SNX9: variants seen among roughly 807,000 people sequenced by gnomAD.
SNX9 encodes sorting nexin-9.
SNX9 carries 44 observed loss-of-function variants against 89.4 expected under a neutral mutation model. The ratio of observed to expected loss-of-function variants is 0.49; its 90% confidence interval spans 0.39 to 0.63. The LOEUF (loss-of-function observed/expected upper bound fraction) is 0.63, where lower values mean the gene tolerates loss of function less well. Ranked by LOEUF, SNX9 falls within the 30% of genes least tolerant of loss-of-function variation. SNX9 has a pLI of 0.00. For missense variants in SNX9, 578 were observed against 736.1 expected (o/e 0.79, Z 2.49); for synonymous variants, 236 against 247.8 (o/e 0.95, Z 0.45).
intron 4 of SNX9, among the ~76,000 whole-genome samples, chr6:157,894,642 A>G (rs1001256995): frequency 1.3e-5 from 2 of 152,160 alleles, no homozygotes; most frequent in African/African-American, 4.8e-5. Flanking sequence ...AAACTATTAA[A>G]TTACTCAAAG....
rs116596007 is a variant in SNX9 at position 157,920,475 on chromosome 6, C to T, written c.950-1056C>T. 5.9e-3 allele frequency among the ~76,000 whole-genome samples: 893 copies of T among 152,292 alleles called. 9 individuals are homozygous for T. Among genetic ancestry groups the T allele is most frequent in the African/African-American group, 0.021 (855 of 41,560 alleles). On this transcript the variant is annotated intron_variant, in intron 9 of 17. Transcript: ENST00000392185. Reference sequence around the variant, plus strand: ...TCACAGCCTGTCCACCCTAGTGGTACCACCATGTCGAACACGTGGGGTGGG... The same window carrying T: ...TCACAGCCTGTCCACCCTAGTGGTATCACCATGTCGAACACGTGGGGTGGG...
intron 9 of SNX9, among the ~76,000 whole-genome samples, chr6:157,920,175 A>G (rs1053437376): frequency 6.6e-6 from 1 of 152,080 alleles, no homozygotes. Context: ...TTTACTTTCT[A>G]CCAGACCCTT....
chr6:157,932,095 T>G (rs1302513838), intron 12 of SNX9, 100 bp from the exon 13 acceptor site: 9 of 978,162 alleles, frequency 9.2e-6, no homozygotes, highest in Non-Finnish European at 1.4e-5. Flanking sequence ...TAGACTATTT[T>G]GAATCACTTC....
chr6:157,857,570 A>T (rs1032646006), intron 1 of SNX9, among the ~76,000 whole-genome samples: 1 of 151,882 alleles, frequency 6.6e-6, no homozygotes, highest in African/African-American at 2.4e-5. Flanking sequence ...AAACAATAAA[A>T]TGCCATCTTT....
In SNX9 at chr6:157,823,317, G is replaced by A. The variant is rs1781271349; in HGVS notation, c.-118G>A. On this transcript the variant is annotated 5_prime_UTR_variant, in exon 1 of 18. Coordinates refer to ENST00000392185, the MANE Select transcript of SNX9 (RefSeq NM_016224.5). The surrounding 1 kb of genome is among the most constrained non-coding windows in gnomAD (Gnocchi z 4.6). ...GGGCCGAGGCGGAGGAGCGGCCGCC[G>A]CGCCGGGGCCCAGCCGGAGCCGCCG... The A allele has an allele frequency of 1.1e-6, 1 of 929,418 alleles. No individual in the cohort carries two copies. Among genetic ancestry groups the A allele is most frequent in the Non-Finnish European group, 1.4e-6 (1 of 736,334 alleles). The allele number at this position is 929,418 out of a possible 1,614,324, so 57.6% of individuals were successfully genotyped here. A position where few individuals can be genotyped will look rare whatever the true frequency, so the allele number is the denominator to read the frequency against.
At position 157,898,227 on chromosome 6, in the gene SNX9, A is replaced by C. The variant is rs530128267; in HGVS notation, c.472+1229A>C. Among the ~76,000 whole-genome samples the C allele has an allele frequency of 4.6e-5, 7 of 152,360 alleles. No individual in the cohort carries two copies. The South Asian group carries it at 1.4e-3, about 32-fold the overall frequency. On this transcript the variant is annotated intron_variant, in intron 5 of 17. Transcript: ENST00000392185. ...GCAGTTGCCCTTATTCACTAGTAGC[A>C]AACCTGGATTCAATTGTAGATGGTC...
Position 157,837,183 on chromosome 6 carries a change from C to CT in SNX9, c.12+13739dup, listed in dbSNP as rs751216472. On this transcript the variant is annotated intron_variant, in intron 1 of 17. Transcript: ENST00000392185. ...CAGAAGCTATTTAGTTTCTCGCCAA[C>CT]TTGTAGTGTTGTCAGTAACTTTTCA... Among the ~76,000 whole-genome samples the CT allele has an allele frequency of 2.6e-5, 4 of 152,318 alleles. No homozygotes were observed. In the East Asian group the frequency reaches 5.8e-4, roughly 22 times the overall value.
Position 157,928,323 on chromosome 6 carries a change from G to T in SNX9, c.1185-276G>T, listed in dbSNP as rs550430337. On this transcript the variant is annotated intron_variant, in intron 11 of 17. Transcript: ENST00000392185. ...CAGTGATTGGAATTTTCCTAAATAA[G>T]ATATTCAAGAAATTATTATTTTATT... Among the ~76,000 whole-genome samples, 8 of 152,224 alleles carry T rather than the reference G, an allele frequency of 5.3e-5. No individual in the cohort carries two copies. In the South Asian group the frequency reaches 1.7e-3, roughly 32 times the overall value.
At chr6:157,881,564 A>G (rs1329569797) in intron 4 of SNX9, among the ~76,000 whole-genome samples, 1 of 152,208 alleles carries the variant, frequency 6.6e-6, no homozygotes, top group Non-Finnish European at 1.5e-5. Flanking sequence ...TCTTGAGCCA[A>G]ACACTTAGCC....
At chr6:157,930,620 C>T (rs572873354) in intron 12 of SNX9, among the ~76,000 whole-genome samples, 1 of 152,140 alleles carries the variant, frequency 6.6e-6, no homozygotes, top group African/African-American at 2.4e-5. Context: ...GAAATTTGCA[C>T]CCTATTAAGA....
chr6:157,866,226 A>C (rs1366289478), intron 1 of SNX9, among the ~76,000 whole-genome samples: 1 of 152,190 alleles, frequency 6.6e-6, no homozygotes, highest in East Asian at 1.9e-4. Context: ...AAGAGCCTGC[A>C]AGAGCAGTCC....
chr6:157,834,147 GTGGTT>G (rs1781527129), intron 1 of SNX9, among the ~76,000 whole-genome samples: 1 of 71,226 alleles, frequency 1.4e-5, no homozygotes, highest in African/African-American at 9.3e-5. Context: ...GGTGTCCACT[GTGGTT>G]TTTTTTTTTT....
At chr6:157,885,700 G>A (rs1290856306) in intron 4 of SNX9, among the ~76,000 whole-genome samples, 2 of 152,176 alleles carry the variant, frequency 1.3e-5, no homozygotes, top group Admixed American at 1.3e-4. Flanking sequence ...AGTTCCTTAT[G>A]TGGTGATAGG....
intron 9 of SNX9, among the ~76,000 whole-genome samples, chr6:157,919,525 T>C (rs1783541092): frequency 6.6e-6 from 1 of 152,222 alleles, no homozygotes; most frequent in South Asian, 2.1e-4. Flanking sequence ...TCAATTACTA[T>C]ACTTTCAACT....
chr6:157,846,070 T>TA (rs1390101508), intron 1 of SNX9, among the ~76,000 whole-genome samples: 1 of 152,248 alleles, frequency 6.6e-6, no homozygotes, highest in South Asian at 2.1e-4. Context: ...AGGTGTCTCT[T>TA]ACGGCCCTCC....
At chr6:157,889,778 A>G (rs1042911435) in intron 4 of SNX9, among the ~76,000 whole-genome samples, 16 of 152,360 alleles carry the variant, frequency 1.1e-4, no homozygotes, top group African/African-American at 3.6e-4. Flanking sequence ...GCATAGCATA[A>G]GCTAATAGGT....
chr6:157,935,944 A>T lies in SNX9; in HGVS notation c.1367-20A>T. The T allele has an allele frequency of 6.3e-7, 1 of 1,586,832 alleles. No individual in the cohort carries two copies. The highest frequency in any genetic ancestry group is 8.6e-7 in the Non-Finnish European group (1 of 1,164,134). ...AAATATGCATAACTTATAACCACTG[A>T]TAAAATTGATCATTTTCAGGTGAAA... On this transcript the variant is annotated intron_variant, in intron 13 of 17. Coordinates refer to ENST00000392185, the MANE Select transcript of SNX9 (RefSeq NM_016224.5).
rs1280201991 is a variant in SNX9 at position 157,902,027 on chromosome 6, T to A, written c.602T>A (p.Met201Lys). 36 of 1,613,476 alleles carry A rather than the reference T, an allele frequency of 2.2e-5. No homozygotes were observed. Among genetic ancestry groups the A allele is most frequent in the Non-Finnish European group, 3.1e-5 (36 of 1,179,806 alleles). The change falls in exon 6 of 18, where the codon ATG (methionine) becomes AAG (lysine). Residue 201 changes from methionine (M) to lysine (K), a missense_variant. Physicochemically the swap from Met to Lys is moderately conservative, Grantham distance 95. This residue lies in a region of SNX9 where 230 missense variants were observed against 244.7 expected (regional missense o/e 0.94). Coordinates refer to ENST00000392185, the MANE Select transcript of SNX9 (RefSeq NM_016224.5). ...AACAGTCGTGCTAGTTCCTCATCCA[T>A]GAAAATTCCCCTTAACAAGTAAGTT... Reference protein sequence around the residue: ...RGNSRASSSSMKIPLNKFPGF... With the variant: ...RGNSRASSSSKKIPLNKFPGF...
intron 9 of SNX9, among the ~76,000 whole-genome samples, chr6:157,915,822 C>CAAAAAAAAAAAAA (rs570701086): frequency 2.8e-4 from 25 of 89,368 alleles, no homozygotes; most frequent in African/African-American, 6.7e-4. Context: ...TAGACTCTGT[C>CAAAAAAAAAAAAA]AAAAAAAAAA....
Sources: allele counts gnomAD v4.1 joint callset (sites outside exome capture counted in the v4.1 genomes callset), GRCh38; gene constraint gnomAD v4.1.1; regional missense constraint gnomAD v4.1.1; non-coding constraint Gnocchi (gnomAD v3.1); transcripts MANE v1.5; gene names NCBI Gene and HGNC (gene_info 2026-07-23, HGNC 2026-07-21).